MYH11: variants seen among roughly 807,000 people sequenced by gnomAD.
MYH11 encodes myosin heavy chain 11.
A neutral mutation model predicts 246.6 loss-of-function variants in MYH11; 80 were observed. That is an observed-to-expected ratio of 0.32 (90% confidence interval 0.27 to 0.39). The LOEUF (loss-of-function observed/expected upper bound fraction) is 0.39. Ranked by LOEUF, MYH11 falls within the 10% of genes least tolerant of loss-of-function variation. The pLI, the probability that MYH11 is intolerant of heterozygous loss-of-function variation, is 1.00. For synonymous variants in MYH11, 1,071 were observed against 1,015.5 expected, an observed-to-expected ratio of 1.05 and a Z score of -1.04; for missense variants, 2,158 against 2,546.8, an observed-to-expected ratio of 0.85 and a Z score of 3.29.
At chr16:15,839,784 T>A (rs940133291) in intron 1 of MYH11, among the ~76,000 whole-genome samples, 1 of 151,718 alleles carries the variant, frequency 6.6e-6, no homozygotes, top group African/African-American at 2.4e-5. Flanking sequence ...GCACGGTGGC[T>A]CACACCTGTA....
At chr16:15,756,905 T>C (rs12920075) in intron 13 of MYH11, among the ~76,000 whole-genome samples, 2,304 of 149,758 alleles carry the variant, frequency 0.015, 55 homozygotes, top group East Asian at 0.11. Context: ...TTCACGCCAT[T>C]CTCCTGCCTC....
intron 9 of MYH11, among the ~76,000 whole-genome samples, chr16:15,765,577 C>G (rs1465085316): frequency 6.6e-6 from 1 of 152,170 alleles, no homozygotes; most frequent in African/African-American, 2.4e-5. Flanking sequence ...TCAAATCAGT[C>G]ACTATGTTCC....
Position 15,740,116 on chromosome 16 carries a change from C to T in MYH11, c.2932G>A (p.Ala978Thr), listed in dbSNP as rs1425783484. ...TCATCCTCCAGTTTCTTGATCTTGG[C>T]CTCAGCCGTGACCTTCTCAAGTTGC... is the stretch of plus-strand genomic sequence containing the variant. ...KLQLEKVTAE[A>T]KIKKLEDEIL... The change falls in exon 23 of 41, where the codon GCC becomes ACC. Residue 978 changes from alanine to threonine, a missense_variant. Transcript: ENST00000300036. The T allele has an allele frequency of 6.2e-7, 1 of 1,614,234 alleles. No homozygotes were observed. Among genetic ancestry groups the T allele is most frequent in the Admixed American group, 1.7e-5 (1 of 60,032 alleles).
intron 4 of MYH11, among the ~76,000 whole-genome samples, chr16:15,788,148 A>T (rs916607506): frequency 1.0e-4 from 14 of 134,866 alleles, no homozygotes; most frequent in Admixed American, 2.6e-4. Flanking sequence ...AGAAATCATC[A>T]CAATGGAACC....
At chr16:15,798,616 A>AC (rs755074603) in intron 4 of MYH11, 44 bp downstream of exon 4, 4 of 1,538,000 alleles carry the variant, frequency 2.6e-6, no homozygotes, top group East Asian at 2.3e-5. Flanking sequence ...ATTAAAAAAA[A>AC]AAAAAAACAA....
At chr16:15,790,340 A>C (rs1352907826) in intron 4 of MYH11, among the ~76,000 whole-genome samples, 2 of 98,346 alleles carry the variant, frequency 2.0e-5, no homozygotes, top group Non-Finnish European at 2.1e-5. Context: ...ACAGACAGAC[A>C]AAAAAAAAAA....
chr16:15,741,958 G>C lies in MYH11; in HGVS notation c.2521-67C>G, dbSNP rs2075510. ...AGGGATATGTTGTCATAATAAATTC[G>C]ATCAGTGGTTCCGAGCCAGGGACAA... On this transcript the variant is annotated intron_variant, in intron 20 of 40. Transcript: ENST00000300036. The C allele has an allele frequency of 0.059, 94,160 of 1,600,394 alleles. 3,281 individuals are homozygous for C. The highest frequency in any genetic ancestry group is 0.16 in the East Asian group (7,289 of 44,578).
intron 19 of MYH11, 102 bp downstream of exon 19, chr16:15,747,468 G>A: frequency 1.5e-6 from 2 of 1,320,826 alleles, no homozygotes; most frequent in Non-Finnish European, 2.2e-6. Context: ...AGTCAATGAT[G>A]CATCTTAAAC....
intron 20 of MYH11, 173 bp from the exon 21 acceptor site, chr16:15,742,064 G>A (rs2041290863): frequency 2.1e-6 from 2 of 963,530 alleles, no homozygotes; most frequent in East Asian, 5.2e-5. Flanking sequence ...GGGTGCCTCT[G>A]GCATCCAGTG....
At chr16:15,771,933 A>G (rs1003258465) in intron 8 of MYH11, among the ~76,000 whole-genome samples, 7 of 151,876 alleles carry the variant, frequency 4.6e-5, no homozygotes, top group Admixed American at 3.9e-4. Context: ...ACTGCAGCTG[A>G]TATCCAGCCT....
chr16:15,773,799 G>T (rs1429646448), intron 8 of MYH11, among the ~76,000 whole-genome samples: 2 of 152,158 alleles, frequency 1.3e-5, no homozygotes, highest in Admixed American at 6.5e-5. Context: ...GTTTACTACT[G>T]ACCCTTTAGC....
intron 6 of MYH11, chr16:15,779,097 C>T (rs1401763467): frequency 6.6e-6 from 4 of 604,700 alleles, no homozygotes; most frequent in Non-Finnish European, 1.2e-5. Flanking sequence ...TTTGCAATGA[C>T]CGTAGTCCAT....
At chr16:15,718,252 T>A in intron 37 of MYH11, 63 bp downstream of exon 37, 7 of 1,602,666 alleles carry the variant, frequency 4.4e-6, no homozygotes, top group Middle Eastern at 1.7e-4. Flanking sequence ...TGTTGACTGG[T>A]GCAGGATCCT....
chr16:15,738,541 T>C (rs1000868915), intron 24 of MYH11, 24 bp downstream of exon 24: 2 of 1,594,292 alleles, frequency 1.3e-6, no homozygotes, highest in African/African-American at 1.3e-5. Context: ...AAAATAAAAA[T>C]AAATCTCTTG....
At chr16:15,763,386 C>G (rs2151281890) in intron 10 of MYH11, among the ~76,000 whole-genome samples, 1 of 152,098 alleles carries the variant, frequency 6.6e-6, no homozygotes, top group South Asian at 2.1e-4. Context: ...CCCTCGGGAT[C>G]TTGTCTGGTC....
chr16:15,841,338 A>G (rs2044045548), intron 1 of MYH11, among the ~76,000 whole-genome samples: 1 of 152,176 alleles, frequency 6.6e-6, no homozygotes, highest in Admixed American at 6.5e-5. Flanking sequence ...GGGCTTCGCC[A>G]AGTTGGCCAG....
At chr16:15,726,415 G>C (rs1044492148) in intron 28 of MYH11, 2 of 173,202 alleles carry the variant, frequency 1.2e-5, no homozygotes, top group Admixed American at 5.7e-5. Flanking sequence ...TTTTAGCCCA[G>C]GCTGGAGTAC....
intron 3 of MYH11, among the ~76,000 whole-genome samples, chr16:15,808,335 A>T (rs905742577): frequency 6.6e-6 from 1 of 152,150 alleles, no homozygotes; most frequent in Non-Finnish European, 1.5e-5. Context: ...TGGAGTAAGC[A>T]CAGTCATCAT....
chr16:15,725,423 A>G (rs1797151284), intron 28 of MYH11: 2 of 494,232 alleles, frequency 4.0e-6, no homozygotes, highest in East Asian at 6.2e-5. Flanking sequence ...CGTCCCAGGG[A>G]TGCTGTCCCA....
Sources: allele counts gnomAD v4.1 joint callset (sites outside exome capture counted in the v4.1 genomes callset), GRCh38; gene constraint gnomAD v4.1.1; transcripts MANE v1.5; gene names NCBI Gene and HGNC (gene_info 2026-07-23, HGNC 2026-07-21).